Variants in ZPBP observed in about 807,000 individuals in gnomAD.
ZPBP encodes zona pellucida-binding protein 1.
Under a neutral mutation model 44.8 loss-of-function variants are expected in ZPBP, and 26 were observed. That is an observed-to-expected ratio of 0.58 (90% CI 0.43 to 0.81). The LOEUF (loss-of-function observed/expected upper bound fraction) is 0.81, where lower values mean the gene tolerates loss of function less well. Among genes scored for constraint, ZPBP ranks in the 30% least tolerant of loss-of-function variants. The pLI, the probability that ZPBP is intolerant of heterozygous loss-of-function variation, is 0.00. For synonymous variants in ZPBP, 174 were observed against 153.2 expected (o/e 1.14, Z -1.00); for missense variants, 409 against 434.0 (o/e 0.94, Z 0.51).
chr7:49,910,804 T>C (rs2128742419), intron 1 of ZPBP, among the ~76,000 whole-genome samples: 1 of 152,278 alleles, frequency 6.6e-6, no homozygotes, highest in East Asian at 1.9e-4. Flanking sequence ...CACACTAAGA[T>C]GGTGCTTCTC....
rs184850836 is a variant in ZPBP, at chr7:50,035,622, A to G, written c.488-4312T>C. On this transcript the variant is annotated intron_variant, in intron 4 of 7. Transcript: ENST00000046087. ...AACAGGCAAAATATATAAACTGAAA[A>G]TCTTATATGGGAAAATAAACATACA... 1.1e-4 allele frequency among the ~76,000 whole-genome samples: 16 copies of G among 152,348 alleles called. No individual in the cohort carries two copies. The East Asian group carries it at 2.9e-3, about 27-fold the overall frequency.
chr7:49,958,868 T>C (rs1311754878), intron 7 of ZPBP, among the ~76,000 whole-genome samples: 1 of 152,186 alleles, frequency 6.6e-6, no homozygotes, highest in African/African-American at 2.4e-5. Flanking sequence ...ACTCATTTTA[T>C]AATGCCAGCA....
intron 2 of ZPBP, among the ~76,000 whole-genome samples, chr7:49,888,722 C>T (rs993200435): frequency 6.6e-6 from 1 of 152,054 alleles, no homozygotes; most frequent in African/African-American, 2.4e-5. Flanking sequence ...ATTAGCCTGG[C>T]CAACATGGTA....
chr7:50,009,080 A>C (rs1008026485), intron 6 of ZPBP, among the ~76,000 whole-genome samples: 4 of 151,864 alleles, frequency 2.6e-5, no homozygotes, highest in Non-Finnish European at 5.9e-5. Context: ...CTAAAAATAC[A>C]AAAAAGATCA....
chr7:49,945,997 T>C (rs1415785223), intron 7 of ZPBP, among the ~76,000 whole-genome samples: 1 of 152,134 alleles, frequency 6.6e-6, no homozygotes, highest in East Asian at 1.9e-4. Flanking sequence ...GATTTGTGGT[T>C]ACCATAGCCT....
chr7:49,987,815 T>G (rs918774475), intron 6 of ZPBP, among the ~76,000 whole-genome samples: 1 of 150,926 alleles, frequency 6.6e-6, no homozygotes, highest in African/African-American at 2.4e-5. Flanking sequence ...ATTTGAAGGA[T>G]AAGCACTTGG....
chr7:50,069,328 C>T (rs1801710399), intron 3 of ZPBP, among the ~76,000 whole-genome samples: 1 of 152,076 alleles, frequency 6.6e-6, no homozygotes, highest in Non-Finnish European at 1.5e-5. Flanking sequence ...TTTACTTTCA[C>T]TATTGGCTTG....
chr7:49,995,182 CATA>C (rs1330692126), intron 6 of ZPBP, among the ~76,000 whole-genome samples: 1 of 152,182 alleles, frequency 6.6e-6, no homozygotes, highest in Non-Finnish European at 1.5e-5. Flanking sequence ...CTCCACTTAG[CATA>C]ATGTCATCAT....
intron 7 of ZPBP, among the ~76,000 whole-genome samples, chr7:49,949,817 T>A (rs1241338888): frequency 1.3e-5 from 2 of 151,962 alleles, no homozygotes; most frequent in African/African-American, 4.8e-5. Context: ...TTTACCATAA[T>A]AAAAAGTGAT....
chr7:50,057,442 C>T (rs909258900), intron 4 of ZPBP, among the ~76,000 whole-genome samples: 6 of 152,056 alleles, frequency 3.9e-5, no homozygotes, highest in African/African-American at 1.2e-4. Context: ...TGACCTAACT[C>T]GGCCAGAAGG....
chr7:50,058,448 G>T (rs1801078857), intron 3 of ZPBP, among the ~76,000 whole-genome samples: 1 of 152,086 alleles, frequency 6.6e-6, no homozygotes, highest in East Asian at 1.9e-4. Flanking sequence ...TATCAGAAAT[G>T]CAGTATACAT....
intron 2 of ZPBP, among the ~76,000 whole-genome samples, chr7:49,860,783 C>T (rs971857055): frequency 6.6e-6 from 1 of 152,154 alleles, no homozygotes; most frequent in Admixed American, 6.5e-5. Flanking sequence ...AGGCCTTAAT[C>T]TAATAGGGTT....
chr7:49,874,265 T>C (rs1791301615), intron 2 of ZPBP, among the ~76,000 whole-genome samples: 1 of 152,182 alleles, frequency 6.6e-6, no homozygotes, highest in Non-Finnish European at 1.5e-5. Flanking sequence ...TCCCATAGAA[T>C]TACAATACTG....
chr7:49,954,170 G>T (rs1287831109), intron 7 of ZPBP, among the ~76,000 whole-genome samples: 1 of 151,972 alleles, frequency 6.6e-6, no homozygotes, highest in Non-Finnish European at 1.5e-5. Context: ...TATTTATAAG[G>T]GTGCCAAGTC....
intron 6 of ZPBP, among the ~76,000 whole-genome samples, chr7:50,014,638 T>A (rs1475501954): frequency 1.3e-5 from 2 of 151,766 alleles, no homozygotes; most frequent in Non-Finnish European, 2.9e-5. Context: ...CTATTTTTTT[T>A]ATTTTTAGTA....
intron 7 of ZPBP, among the ~76,000 whole-genome samples, chr7:49,966,378 GA>G (rs757066226): frequency 3.0e-4 from 46 of 151,928 alleles, no homozygotes; most frequent in Non-Finnish European, 5.6e-4. Context: ...ACATATGAGG[GA>G]AAAATATATA....
In ZPBP at chr7:49,877,481, A is replaced by AAAAAAATATACATATATATATATAT; in HGVS notation, n.509+23636_509+23637insATATATATATATATGTATATTTTTT. 1.3e-3 allele frequency among the ~76,000 whole-genome samples: 17 copies of AAAAAAATATACATATATATATATAT among 12,728 alleles called. 4 individuals carry two copies. The highest frequency in any genetic ancestry group is 0.013 in the South Asian group (4 of 302). The allele number at this position is 12,728 out of a possible 152,430, so 8.4% of individuals were successfully genotyped here. On this transcript the variant is annotated intron_variant and non_coding_transcript_variant, in intron 2 of 2. Coordinates refer to the ZPBP transcript ENST00000465922. ...CTGTCTCAAAAAAAAAAAAAAAAAA[A>AAAAAAATATACATATATATATATAT]ATATATATATATATATATATATATA...
intron 7 of ZPBP, among the ~76,000 whole-genome samples, chr7:49,957,970 A>G (rs1300997361): frequency 6.6e-6 from 1 of 152,230 alleles, no homozygotes; most frequent in African/African-American, 2.4e-5. Flanking sequence ...TGTGCCCAGA[A>G]GGCAGGACAA....
intron 3 of ZPBP, among the ~76,000 whole-genome samples, chr7:50,065,975 T>C (rs535543277): frequency 1.2e-4 from 18 of 151,268 alleles, no homozygotes; most frequent in Non-Finnish European, 2.5e-4. Flanking sequence ...TACAATTTCA[T>C]TTGGTTGACA....
Sources: gnomAD v4.1 joint callset for allele counts (sites outside exome capture counted in the v4.1 genomes callset) on GRCh38, gnomAD v4.1.1 for gene constraint, MANE v1.5 for transcripts, NCBI Gene and HGNC (gene_info 2026-07-23, HGNC 2026-07-21) for gene names.